NOCT: variants seen among roughly 807,000 people sequenced by gnomAD.
The protein encoded by NOCT is nocturnin.
Under a neutral mutation model 35.0 loss-of-function variants are expected in NOCT, and 18 were observed. The ratio of observed to expected loss-of-function variants is 0.51; its 90% CI spans 0.36 to 0.76. NOCT has a LOEUF of 0.76. Ranked by LOEUF, NOCT falls within the 30% of genes least tolerant of loss-of-function variation. The probability of loss-of-function intolerance (pLI) is 0.01; values close to 1 mark genes in which losing one functional copy is unlikely to be tolerated. For missense variants in NOCT, 479 were observed against 541.0 expected (o/e 0.89, Z 1.14); for synonymous variants, 235 against 226.3 (o/e 1.04, Z -0.34).
At chr4:139,019,761 G>T (rs1311580462) in intron 1 of NOCT, among the ~76,000 whole-genome samples, 1 of 152,156 alleles carries the variant, frequency 6.6e-6, no homozygotes, top group Non-Finnish European at 1.5e-5. Flanking sequence ...TTTTCTCAAG[G>T]ATAGCAGCCC....
Position 139,043,105 on chromosome 4 carries a change from C to CTA in NOCT, c.225_226dup (p.Ser76IlefsTer8). ...CCATGGGAACCGGTACAAGCAGACT[C>CTA]TATAGTGCTCTCGCCAAGACACTGA... is the stretch of plus-strand genomic sequence containing the variant. On this transcript the variant is annotated frameshift_variant, in exon 2 of 3. Transcript: ENST00000280614. LOFTEE classifies it high-confidence loss of function. 2 of 1,612,968 alleles carry CTA rather than the reference C, an allele frequency of 1.2e-6. No homozygotes were observed. The highest frequency in any genetic ancestry group is 8.5e-7 in the Non-Finnish European group (1 of 1,179,100).
intron 1 of NOCT, among the ~76,000 whole-genome samples, chr4:139,040,178 G>C (rs112763023): frequency 6.7e-6 from 1 of 148,250 alleles, no homozygotes; most frequent in Non-Finnish European, 1.5e-5. Context: ...GACTACAGGC[G>C]CCCGCCACCA....
intron 1 of NOCT, among the ~76,000 whole-genome samples, chr4:139,021,186 C>T (rs902116855): frequency 5.3e-5 from 8 of 151,860 alleles, no homozygotes; most frequent in Non-Finnish European, 1.0e-4. Context: ...TATATTTTGT[C>T]GAGACGGGTT....
At chr4:139,025,354 T>C (rs1246704496) in intron 1 of NOCT, among the ~76,000 whole-genome samples, 1 of 152,198 alleles carries the variant, frequency 6.6e-6, no homozygotes, top group Non-Finnish European at 1.5e-5. Context: ...AAGGTGCTCT[T>C]GGGAAAACCA....
chr4:139,017,160 A>G (rs185438266), intron 1 of NOCT, among the ~76,000 whole-genome samples: 84 of 151,388 alleles, frequency 5.5e-4, no homozygotes, highest in African/African-American at 2.0e-3. Context: ...GCCACAAATT[A>G]CATACAAATT....
chr4:139,045,468 T>C lies in NOCT; in HGVS notation c.1290T>C (p.Leu430=). 6.7e-7 allele frequency: 1 copy of C among 1,495,796 alleles called. No individual in the cohort carries two copies. Among genetic ancestry groups the C allele is most frequent in the Non-Finnish European group, 9.2e-7 (1 of 1,087,156 alleles). The allele number at this position is 1,495,796 out of a possible 1,614,324, so 92.7% of individuals were successfully genotyped here. A position where few individuals can be genotyped will look rare whatever the true frequency, so the allele number is the denominator to read the frequency against. Residue 430 remains leucine (L), a synonymous_variant, in exon 3 of 3, where the codon CTT becomes CTC. Transcript: ENST00000280614. ...DFSFTEESDG[L]S is the part of the protein sequence containing the mutation. ...GCTTTACTGAGGAATCTGATGGACTTTCATAAATACTTGCTTTTGTCTTTT... is the reference window on the plus strand; with the variant it reads ...GCTTTACTGAGGAATCTGATGGACTCTCATAAATACTTGCTTTTGTCTTTT...
chr4:139,044,584 A>G (rs1408584109), intron 2 of NOCT, 55 bp from the exon 3 acceptor site: 4 of 1,108,116 alleles, frequency 3.6e-6, no homozygotes, highest in Non-Finnish European at 5.4e-6. Context: ...CCTCCTGGGT[A>G]CTTTGAAGTC....
At chr4:139,035,045 A>G (rs1726704328) in intron 1 of NOCT, among the ~76,000 whole-genome samples, 1 of 151,746 alleles carries the variant, frequency 6.6e-6, no homozygotes, top group South Asian at 2.1e-4. Flanking sequence ...TTGAACTCCT[A>G]TTTTCTGTAA....
intron 2 of NOCT, chr4:139,043,980 G>GTATGTATATA (rs1553947370): frequency 1.5e-5 from 2 of 135,388 alleles, no homozygotes; most frequent in Admixed American, 1.5e-4. Flanking sequence ...AAAAAAATAT[G>GTATGTATATA]TATATATATA....
At chr4:139,029,229 G>A (rs1246179103) in intron 1 of NOCT, among the ~76,000 whole-genome samples, 2 of 152,202 alleles carry the variant, frequency 1.3e-5, no homozygotes, top group East Asian at 3.8e-4. Context: ...CTTAGGATGT[G>A]CCAAGTACCT....
intron 1 of NOCT, among the ~76,000 whole-genome samples, chr4:139,037,426 T>A (rs1183654072): frequency 2.0e-5 from 3 of 152,172 alleles, no homozygotes; most frequent in Non-Finnish European, 4.4e-5. Flanking sequence ...CATCCTTTTT[T>A]AATAATTACT....
At chr4:139,037,490 G>A (rs1377715511) in intron 1 of NOCT, among the ~76,000 whole-genome samples, 3 of 151,788 alleles carry the variant, frequency 2.0e-5, no homozygotes, top group African/African-American at 7.3e-5. Context: ...GGCTGGTCTC[G>A]AACTCCTGGA....
rs1378022911 is a variant in NOCT at position 139,044,800 on chromosome 4, A to G, written c.622A>G (p.Ser208Gly). The G allele has an allele frequency of 3.1e-6, 5 of 1,614,072 alleles. No individual in the cohort carries two copies. Among genetic ancestry groups the G allele is most frequent in the Non-Finnish European group, 4.2e-6 (5 of 1,180,026 alleles). Reference sequence around the variant, plus strand: ...TTTTGACACCTTCCAGCCACTCCTCAGTAGACTAGGCTATCAAGGCACGTT... The same window carrying G: ...TTTTGACACCTTCCAGCCACTCCTCGGTAGACTAGGCTATCAAGGCACGTT... ...HYFDTFQPLL[S>G]RLGYQGTFFP... The change falls in exon 3 of 3, where the codon AGT (serine) becomes GGT (glycine). Residue 208 changes from serine (S) to glycine (G), a missense_variant. This residue lies in a region of NOCT where 214 missense variants were observed against 284.0 expected (regional missense o/e 0.75). Transcript: ENST00000280614.
chr4:139,017,100 A>C (rs1726325886), intron 1 of NOCT, among the ~76,000 whole-genome samples: 1 of 150,534 alleles, frequency 6.6e-6, no homozygotes, highest in South Asian at 2.1e-4. Context: ...AACTACCCTG[A>C]GTTTTCCTTT....
intron 1 of NOCT, among the ~76,000 whole-genome samples, chr4:139,025,595 G>A (rs1040777902): frequency 2.0e-5 from 3 of 152,186 alleles, no homozygotes; most frequent in Non-Finnish European, 4.4e-5. Flanking sequence ...CAGATTGGGA[G>A]TTCCAGACCA....
chr4:139,044,504 G>C, intron 2 of NOCT, 135 bp from the exon 3 acceptor site: 2 of 616,246 alleles, frequency 3.2e-6, no homozygotes, highest in Non-Finnish European at 5.8e-6. Context: ...GGGTAATACA[G>C]TTTGGACAGA....
intron 1 of NOCT, chr4:139,028,275 C>T (rs1356393196): frequency 2.0e-5 from 3 of 152,214 alleles, no homozygotes; most frequent in Non-Finnish European, 2.9e-5. Flanking sequence ...CCATATGAGT[C>T]TGTCCTGGCT....
At chr4:139,038,478 T>A (rs1726773688) in intron 1 of NOCT, among the ~76,000 whole-genome samples, 1 of 152,124 alleles carries the variant, frequency 6.6e-6, no homozygotes. Flanking sequence ...AATGTTTTCC[T>A]TGAGAATTGT....
chr4:139,042,435 T>A (rs1003997432), intron 1 of NOCT, among the ~76,000 whole-genome samples: 12 of 152,190 alleles, frequency 7.9e-5, no homozygotes, highest in African/African-American at 2.9e-4. Flanking sequence ...GCTCTTTTTT[T>A]AAGACTGGTT....
Sources: gnomAD v4.1 joint callset for allele counts (sites outside exome capture counted in the v4.1 genomes callset) on GRCh38, gnomAD v4.1.1 for gene constraint, gnomAD v4.1.1 regional missense constraint, MANE v1.5 for transcripts, NCBI Gene and HGNC (gene_info 2026-07-23, HGNC 2026-07-21) for gene names.